Variants in SOS2 observed in about 807,000 individuals in gnomAD.
The protein encoded by SOS2 is son of sevenless homolog 2.
A neutral mutation model predicts 148.2 loss-of-function variants in SOS2; 65 were observed. The ratio of observed to expected loss-of-function variants is 0.44; its 90% CI spans 0.36 to 0.54. The LOEUF is 0.54. Among genes scored for constraint, SOS2 ranks in the 20% least tolerant of loss-of-function variants. The pLI is 0.00. For synonymous variants in SOS2, 539 were observed against 537.1 expected (o/e 1.00, Z -0.05); for missense variants, 1,341 against 1,590.2 (o/e 0.84, Z 2.67).
At chr14:50,168,954 G>A (rs2139659873) in intron 8 of SOS2, among the ~76,000 whole-genome samples, 1 of 152,138 alleles carries the variant, frequency 6.6e-6, no homozygotes, top group Non-Finnish European at 1.5e-5. Flanking sequence ...AAAACAAGAT[G>A]GAAAAACAAC....
chr14:50,175,430 T>C (rs1464414598), intron 7 of SOS2, among the ~76,000 whole-genome samples: 7 of 73,536 alleles, frequency 9.5e-5, no homozygotes, highest in East Asian at 1.2e-3. Context: ...GAGTAATACT[T>C]TTTTTTTTTT....
At chr14:50,186,887 A>C (rs1009944330) in intron 5 of SOS2, among the ~76,000 whole-genome samples, 1 of 152,246 alleles carries the variant, frequency 6.6e-6, no homozygotes, top group Admixed American at 6.5e-5. Context: ...GAATATAATG[A>C]GAAAAGCTAA....
rs148311856 is a variant in SOS2 at position 50,131,598 on chromosome 14, A to G, written c.3076-836T>C. On this transcript the variant is annotated intron_variant, in intron 19 of 22. Coordinates refer to ENST00000216373, the MANE Select transcript of SOS2 (RefSeq NM_006939.4). ...CAAACATATCTAGTTTGAGATACTA[A>G]GAAGGATAACACATCGGTTTGTAAA... Among the ~76,000 whole-genome samples the G allele has an allele frequency of 3.9e-3, 594 of 152,302 alleles. 7 individuals are homozygous for G. Among genetic ancestry groups the G allele is most frequent in the African/African-American group, 0.013 (559 of 41,554 alleles).
chr14:50,227,182 T>G (rs921009468), intron 1 of SOS2, among the ~76,000 whole-genome samples: 2 of 152,144 alleles, frequency 1.3e-5, no homozygotes, highest in East Asian at 1.9e-4. Context: ...CACATTTCTA[T>G]TCCCAAAATT....
At chr14:50,230,901 A>G (rs529061396) in intron 1 of SOS2, 1 of 1,067,290 alleles carries the variant, frequency 9.4e-7, no homozygotes, top group African/African-American at 1.7e-5. Flanking sequence ...CTCTTGCCCG[A>G]TTCCAGCCTG....
At chr14:50,123,364 G>A (rs1439497407) in intron 21 of SOS2, among the ~76,000 whole-genome samples, 2 of 145,602 alleles carry the variant, frequency 1.4e-5, no homozygotes, top group African/African-American at 5.1e-5. Flanking sequence ...GAGTGAGATG[G>A]AAAGCCACCA....
intron 4 of SOS2, among the ~76,000 whole-genome samples, chr14:50,191,308 TA>T (rs113065253): frequency 6.6e-6 from 1 of 150,692 alleles, no homozygotes. Flanking sequence ...CTACCAAAAG[TA>T]AAAAAAAATA....
chr14:50,138,861 C>A, intron 17 of SOS2, 77 bp from the exon 18 acceptor site: 1 of 582,692 alleles, frequency 1.7e-6, no homozygotes, highest in Non-Finnish European at 2.8e-6. Context: ...GGGAAAACAA[C>A]TGATCTAGTA....
At chr14:50,176,589 T>C (rs118168699) in intron 7 of SOS2, among the ~76,000 whole-genome samples, 3,168 of 152,352 alleles carry the variant, frequency 0.021, 74 homozygotes, top group Non-Finnish European at 0.026. Flanking sequence ...ACATTATGCT[T>C]ATGCTTTATA....
chr14:50,120,112 T>C (rs1007588656), intron 22 of SOS2, among the ~76,000 whole-genome samples, 163 bp downstream of exon 22: 1 of 152,176 alleles, frequency 6.6e-6, no homozygotes, highest in Non-Finnish European at 1.5e-5. Context: ...AAAAGGTTTT[T>C]ATAAGGATTA....
intron 1 of SOS2, among the ~76,000 whole-genome samples, chr14:50,215,141 G>A (rs962022995): frequency 2.6e-5 from 4 of 151,828 alleles, no homozygotes; most frequent in Non-Finnish European, 5.9e-5. Flanking sequence ...CGGCAAGGTT[G>A]TTTCTTATAA....
chr14:50,161,902 C>A (rs1043370141), intron 8 of SOS2, among the ~76,000 whole-genome samples: 1 of 151,584 alleles, frequency 6.6e-6, no homozygotes, highest in African/African-American at 2.4e-5. Context: ...AGGCGAATGC[C>A]ACCACACCCA....
intron 19 of SOS2, among the ~76,000 whole-genome samples, chr14:50,133,029 T>C (rs1331431894): frequency 6.6e-6 from 1 of 152,034 alleles, no homozygotes; most frequent in Non-Finnish European, 1.5e-5. Flanking sequence ...CAGTTAATAA[T>C]GTAAAAGAGA....
In SOS2 at chr14:50,129,983, A is replaced by T; in HGVS notation, c.3357T>A (p.Ala1119=). The T allele has an allele frequency of 6.3e-7, 1 of 1,595,536 alleles. No homozygotes were observed. The highest frequency in any genetic ancestry group is 8.6e-7 in the Non-Finnish European group (1 of 1,166,160). Residue 1119 remains alanine (A), a synonymous_variant, in exon 21 of 23, where the codon GCT becomes GCA. Transcript: ENST00000216373. ...TACTTGAATGTGGCAAAAGCACTGG[A>T]GCAAAGATGCTATTGCTGCCTATTG... ...NSSCGSNSIF[A]PVLLPHSKSF...
intron 18 of SOS2, among the ~76,000 whole-genome samples, chr14:50,135,947 T>C (rs1884065232): frequency 6.6e-6 from 1 of 152,082 alleles, no homozygotes; most frequent in African/African-American, 2.4e-5. Flanking sequence ...AATTACTGGA[T>C]TTAGCTTTAT....
rs144584870 is a variant in SOS2 at position 50,199,802 on chromosome 14, T to G, written c.399A>C (p.Val133=). ...AAATATCAGCTGAGATATACTCTAGTACAGCCACAATATATAGGGATACAT... is the reference window on the plus strand; with the variant it reads ...AAATATCAGCTGAGATATACTCTAGGACAGCCACAATATATAGGGATACAT... The part of the protein sequence containing the change: ...DYHVSLYIVA[V]LEYISADILK... The change falls in exon 4 of 23, where the codon GTA becomes GTC. Residue 133 remains valine, a synonymous_variant. Transcript: ENST00000216373. 406 of 1,595,642 alleles carry G rather than the reference T, an allele frequency of 2.5e-4. No homozygotes were observed. Among genetic ancestry groups the G allele is most frequent in the Admixed American group, 6.9e-4 (41 of 59,558 alleles).
At chr14:50,218,125 C>T (rs1226434102) in intron 1 of SOS2, among the ~76,000 whole-genome samples, 3 of 145,246 alleles carry the variant, frequency 2.1e-5, no homozygotes, top group Non-Finnish European at 3.0e-5. Flanking sequence ...CAGCAAGACC[C>T]TATCTCTTAA....
chr14:50,149,918 G>A lies in SOS2; in HGVS notation c.2384+90C>T, dbSNP rs529322043. ...ATGAGAGTAGATGAGGTATTTTTAA[G>A]CACTCATGAATAATGTGCAAAATGT... On this transcript the variant is annotated intron_variant, in intron 14 of 22. Transcript: ENST00000216373. 3.3e-5 allele frequency: 30 copies of A among 898,058 alleles called. No homozygotes were observed. The South Asian group carries it at 4.1e-4, about 12-fold the overall frequency. The allele number at this position is 898,058 out of a possible 1,614,324, so 55.6% of individuals were successfully genotyped here. A position where few individuals can be genotyped will look rare whatever the true frequency, so the allele number is the denominator to read the frequency against.
At chr14:50,201,214 T>G in intron 2 of SOS2, 130 bp from the exon 3 acceptor site, 1 of 849,606 alleles carries the variant, frequency 1.2e-6, no homozygotes, top group African/African-American at 1.7e-5. Flanking sequence ...TTCTGATTCC[T>G]GTAATAAATA....
Sources: gnomAD v4.1 joint callset for allele counts (sites outside exome capture counted in the v4.1 genomes callset) on GRCh38, gnomAD v4.1.1 for gene constraint, MANE v1.5 for transcripts, NCBI Gene and HGNC (gene_info 2026-07-23, HGNC 2026-07-21) for gene names.